RBFOX1: variants seen among roughly 807,000 people sequenced by gnomAD.
RBFOX1 encodes RNA binding fox-1 homolog 1, also known as RNA binding protein fox-1 homolog 1.
In RBFOX1, 8 loss-of-function variants were observed where a neutral mutation model predicts 57.7. That is an observed-to-expected ratio of 0.14 (90% CI 0.08 to 0.25). RBFOX1 has a LOEUF of 0.25. Among genes scored for constraint, RBFOX1 ranks in the 10% least tolerant of loss-of-function variants. The pLI is 1.00. For synonymous variants in RBFOX1, 326 were observed against 222.4 expected, an observed-to-expected ratio of 1.47 and a Z score of -4.15; for missense variants, 611 against 548.5, an observed-to-expected ratio of 1.11 and a Z score of -1.14.
At chr16:7,504,791 A>T (rs1156257769) in intron 4 of RBFOX1, among the ~76,000 whole-genome samples, 1 of 28,924 alleles carries the variant, frequency 3.5e-5, no homozygotes, top group African/African-American at 8.0e-5. Context: ...ATATATTTAT[A>T]TATATATATA....
intron 3 of RBFOX1, among the ~76,000 whole-genome samples, chr16:5,606,483 C>G (rs2047584185): frequency 6.6e-6 from 1 of 152,024 alleles, no homozygotes; most frequent in Non-Finnish European, 1.5e-5. Flanking sequence ...CCTTCTCTCT[C>G]ACTCACCTCC....
chr16:5,378,570 T>C (rs2066049735), intron 1 of RBFOX1, among the ~76,000 whole-genome samples: 1 of 151,574 alleles, frequency 6.6e-6, no homozygotes, highest in Non-Finnish European at 1.5e-5. Context: ...GTCCCAGTTA[T>C]ACCTGGGAAT....
chr16:6,536,569 T>C (rs2096738360), intron 2 of RBFOX1, among the ~76,000 whole-genome samples: 1 of 150,292 alleles, frequency 6.7e-6, no homozygotes. Context: ...TTTTTTTTTC[T>C]TTCTAATTTT....
At chr16:5,771,141 G>C (rs1414143656) in intron 3 of RBFOX1, among the ~76,000 whole-genome samples, 4 of 152,222 alleles carry the variant, frequency 2.6e-5, no homozygotes, top group African/African-American at 9.6e-5. Flanking sequence ...GTGTTCACTA[G>C]AGCAACAGAA....
At position 6,042,176 on chromosome 16, in the gene RBFOX1, C is replaced by T. The variant is rs565852882; in HGVS notation, c.-127+22184C>T. Among the ~76,000 whole-genome samples, 3 of 151,670 alleles carry T rather than the reference C, an allele frequency of 2.0e-5. No individual in the cohort carries two copies. The South Asian group carries it at 6.2e-4, about 32-fold the overall frequency. ...AGTGCAGTGGTGCCATCTCGGCTGA[C>T]TGCAACTTCTGCCTCCCAAGTTCAA... On this transcript the variant is annotated intron_variant, in intron 1 of 15. Coordinates refer to ENST00000550418, the MANE Select transcript of RBFOX1 (RefSeq NM_018723.4).
intron 3 of RBFOX1, among the ~76,000 whole-genome samples, chr16:6,674,871 T>C (rs1470985318): frequency 2.0e-5 from 3 of 152,122 alleles, no homozygotes; most frequent in Non-Finnish European, 4.4e-5. Context: ...GAGAATAAAT[T>C]ACTGTTGTGT....
At chr16:6,854,587 A>ATTTTTTTTTTTT (rs71147611) in intron 3 of RBFOX1, among the ~76,000 whole-genome samples, 1,594 of 70,622 alleles carry the variant, frequency 0.023, 156 homozygotes, top group East Asian at 0.032. Flanking sequence ...GGAGAGGTGA[A>ATTTTTTTTTTTT]TTTTTTTTTT....
At chr16:5,257,522 T>G (rs1046887483) in intron 1 of RBFOX1, among the ~76,000 whole-genome samples, 3 of 152,158 alleles carry the variant, frequency 2.0e-5, no homozygotes, top group African/African-American at 7.2e-5. Context: ...GATGAATACG[T>G]TTGGACCCAG....
intron 1 of RBFOX1, among the ~76,000 whole-genome samples, chr16:6,187,039 T>G (rs1051685571): frequency 6.6e-6 from 1 of 152,174 alleles, no homozygotes; most frequent in African/African-American, 2.4e-5. Context: ...TGATTTGATA[T>G]CCATTTGGCA....
At chr16:6,813,492 C>G (rs547085570) in intron 3 of RBFOX1, among the ~76,000 whole-genome samples, 6 of 152,240 alleles carry the variant, frequency 3.9e-5, no homozygotes, top group African/African-American at 1.2e-4. Flanking sequence ...GCCAATGGCT[C>G]TTTCCCCAGC....
At chr16:5,582,600 A>C (rs147874322) in intron 2 of RBFOX1, among the ~76,000 whole-genome samples, 1 of 139,928 alleles carries the variant, frequency 7.1e-6, no homozygotes, top group Non-Finnish European at 1.5e-5. Flanking sequence ...CCCAGGCTGG[A>C]ATGCCAATGA....
chr16:7,710,520 CGGTTG>C, intron 15 of RBFOX1, 98 bp from the exon 16 acceptor site: 1 of 1,570,482 alleles, frequency 6.4e-7, no homozygotes, highest in South Asian at 1.2e-5. Flanking sequence ...GCCTCCATTT[CGGTTG>C]GTTTTGAGTG....
intron 4 of RBFOX1, among the ~76,000 whole-genome samples, chr16:7,137,022 A>G (rs1310649263): frequency 2.0e-5 from 3 of 152,168 alleles, no homozygotes; most frequent in African/African-American, 4.8e-5. Context: ...TTGTTTGCCA[A>G]CTGGACACTA....
chr16:5,904,805 G>T (rs1254611258), intron 4 of RBFOX1, among the ~76,000 whole-genome samples: 2 of 151,452 alleles, frequency 1.3e-5, no homozygotes, highest in African/African-American at 4.8e-5. Context: ...GTGAAACCCT[G>T]TCTCTACTAA....
intron 12 of RBFOX1, among the ~76,000 whole-genome samples, chr16:7,654,790 T>C (rs538980001): frequency 6.6e-6 from 1 of 152,302 alleles, no homozygotes; most frequent in South Asian, 2.1e-4. Context: ...AGGGGACATT[T>C]GCAAGGTCTA....
chr16:5,654,926 T>C (rs1317582143), intron 3 of RBFOX1, among the ~76,000 whole-genome samples: 2 of 152,100 alleles, frequency 1.3e-5, no homozygotes, highest in Non-Finnish European at 2.9e-5. Context: ...CTCTGTACCA[T>C]TTCAGCATCC....
chr16:6,523,642 C>G (rs115649806), intron 2 of RBFOX1, among the ~76,000 whole-genome samples: 1 of 152,052 alleles, frequency 6.6e-6, no homozygotes, highest in Non-Finnish European at 1.5e-5. Context: ...ATCCAATCTT[C>G]AAATACATCA....
chr16:6,928,448 A>G (rs2075994652), intron 3 of RBFOX1, among the ~76,000 whole-genome samples: 1 of 152,208 alleles, frequency 6.6e-6, no homozygotes, highest in Non-Finnish European at 1.5e-5. Flanking sequence ...CCAAGAGCTC[A>G]GGACATGCTT....
intron 1 of RBFOX1, among the ~76,000 whole-genome samples, chr16:5,382,434 G>T (rs1386142691): frequency 6.6e-6 from 1 of 150,540 alleles, no homozygotes; most frequent in South Asian, 2.1e-4. Flanking sequence ...CTATTTTTAA[G>T]TATGCTTTTA....
Sources: gnomAD v4.1 joint callset for allele counts (sites outside exome capture counted in the v4.1 genomes callset) on GRCh38, gnomAD v4.1.1 for gene constraint, MANE v1.5 for transcripts, NCBI Gene and HGNC (gene_info 2026-07-23, HGNC 2026-07-21) for gene names.